The following TAB2 variants were observed in gnomAD, a reference collection of about 807,000 sequenced individuals.
TAB2 encodes the protein TGF-beta-activated kinase 1 and MAP3K7-binding protein 2.
Under a neutral mutation model 65.0 loss-of-function variants are expected in TAB2, and 3 were observed. The observed-to-expected ratio is 0.05, with a 90% confidence interval of 0.02 to 0.12. TAB2 has a LOEUF of 0.12. Ranked by LOEUF, TAB2 falls within the 10% of genes least tolerant of loss-of-function variation. The pLI, the probability that TAB2 is intolerant of heterozygous loss-of-function variation, is 1.00. For missense variants in TAB2, 623 were observed against 840.3 expected (o/e 0.74, Z 3.20); for synonymous variants, 298 against 285.1 (o/e 1.05, Z -0.46).
intron 1 of TAB2, among the ~76,000 whole-genome samples, chr6:149,348,857 G>T (rs548083): frequency 1.3e-5 from 2 of 151,484 alleles, no homozygotes; most frequent in Non-Finnish European, 2.9e-5. Flanking sequence ...TCCCAGCTTA[G>T]TCAGGAGGCT....
At chr6:149,324,966 T>C (rs942066418) in intron 1 of TAB2, among the ~76,000 whole-genome samples, 1 of 152,056 alleles carries the variant, frequency 6.6e-6, no homozygotes, top group Admixed American at 6.6e-5. Flanking sequence ...CCAGCTGATT[T>C]CTAAAAATTT....
intron 1 of TAB2, among the ~76,000 whole-genome samples, chr6:149,276,629 A>G (rs1233463640): frequency 1.3e-5 from 2 of 152,220 alleles, no homozygotes; most frequent in Non-Finnish European, 2.9e-5. Context: ...TATAAAGTGG[A>G]ATAGTATTTT....
At chr6:149,309,712 T>A (rs201285249) in intron 1 of TAB2, among the ~76,000 whole-genome samples, 3 of 150,160 alleles carry the variant, frequency 2.0e-5, no homozygotes, top group Non-Finnish European at 3.0e-5. Flanking sequence ...TATTCCTCTT[T>A]AAAAAAAAAA....
intron 1 of TAB2, among the ~76,000 whole-genome samples, chr6:149,260,021 GC>G (rs1301717250): frequency 6.6e-6 from 1 of 152,134 alleles, no homozygotes; most frequent in Non-Finnish European, 1.5e-5. Context: ...CTCATTATCT[GC>G]CCTCTTTCTC....
At chr6:149,377,068 TTA>T (rs756476431) in intron 2 of TAB2, among the ~76,000 whole-genome samples, 1 of 82,556 alleles carries the variant, frequency 1.2e-5, no homozygotes, top group African/African-American at 4.5e-5. Context: ...CAAATGTAAC[TTA>T]TTTTTTTTTT....
chr6:149,348,906 G>T (rs1780393497), intron 1 of TAB2, among the ~76,000 whole-genome samples: 1 of 151,936 alleles, frequency 6.6e-6, no homozygotes, highest in African/African-American at 2.4e-5. Flanking sequence ...GGCGGAGGTT[G>T]CAGTGAGCCG....
intron 1 of TAB2, among the ~76,000 whole-genome samples, chr6:149,356,457 T>G (rs986564520): frequency 5.9e-5 from 9 of 152,238 alleles, no homozygotes; most frequent in Admixed American, 4.6e-4. Context: ...AGTTTATTTC[T>G]TGTAGTTCTG....
chr6:149,408,453 ATTAT>A (rs1412778498), intron 6 of TAB2, among the ~76,000 whole-genome samples: 3 of 152,218 alleles, frequency 2.0e-5, no homozygotes, highest in African/African-American at 7.2e-5. Flanking sequence ...ATATCACTTA[ATTAT>A]TTAAAATTTG....
At chr6:149,266,969 G>C (rs939148325) in intron 1 of TAB2, among the ~76,000 whole-genome samples, 1 of 152,300 alleles carries the variant, frequency 6.6e-6, no homozygotes. Flanking sequence ...CCCTAGGGCT[G>C]GGGGAGCAAA....
At chr6:149,298,870 G>C (rs1778923384) in intron 1 of TAB2, among the ~76,000 whole-genome samples, 4 of 152,196 alleles carry the variant, frequency 2.6e-5, no homozygotes, top group African/African-American at 9.7e-5. Context: ...GACAGAACCT[G>C]TTTGAAAATT....
chr6:149,236,344 C>T (rs545504843), intron 1 of TAB2, among the ~76,000 whole-genome samples: 14 of 152,318 alleles, frequency 9.2e-5, no homozygotes, highest in Non-Finnish European at 1.3e-4. Flanking sequence ...TTGGCTGAAG[C>T]TTCTATATCT....
At chr6:149,399,539 C>CG (rs1265910972) in intron 6 of TAB2, among the ~76,000 whole-genome samples, 1 of 151,760 alleles carries the variant, frequency 6.6e-6, no homozygotes, top group Non-Finnish European at 1.5e-5. Context: ...TTCCCCCCCC[C>CG]CATGAGTATT....
chr6:149,404,243 T>G (rs1221536112), intron 6 of TAB2, among the ~76,000 whole-genome samples: 3 of 152,240 alleles, frequency 2.0e-5, no homozygotes, highest in Admixed American at 2.0e-4. Flanking sequence ...GAAGAGTGCT[T>G]AGGAATACGC....
intron 1 of TAB2, among the ~76,000 whole-genome samples, chr6:149,301,093 G>A (rs533012457): frequency 1.0e-3 from 157 of 152,360 alleles, no homozygotes; most frequent in African/African-American, 3.7e-3. Context: ...AACAGGCAGA[G>A]GTCCACATTG....
chr6:149,318,642 C>T (rs916995257), intron 1 of TAB2: 2 of 152,394 alleles, frequency 1.3e-5, no homozygotes, highest in South Asian at 2.1e-4. Flanking sequence ...GTCCCATCAA[C>T]CTCAAACCCT....
chr6:149,335,151 C>A (rs1407014726), intron 1 of TAB2, among the ~76,000 whole-genome samples: 1 of 151,906 alleles, frequency 6.6e-6, no homozygotes, highest in Non-Finnish European at 1.5e-5. Flanking sequence ...GACCAATTCC[C>A]CATTTCCTAC....
rs572391721 is a variant in TAB2 at position 149,309,587 on chromosome 6, C to T, written c.-120-68431C>T. Reference sequence around the variant, plus strand: ...AATTTTTTTGTATTTTTAGTAGAGACGGGGTTTCACCGTGTTAGCCAGGAT... The same window carrying T: ...AATTTTTTTGTATTTTTAGTAGAGATGGGGTTTCACCGTGTTAGCCAGGAT... On this transcript the variant is annotated intron_variant, in intron 1 of 1. Transcript: ENST00000606202. Among the ~76,000 whole-genome samples the T allele has an allele frequency of 4.9e-4, 74 of 151,854 alleles. 1 individual carries two copies. The highest frequency in any genetic ancestry group is 1.8e-3 in the African/African-American group (74 of 41,414).
At position 149,284,515 on chromosome 6, in the gene TAB2, C is replaced by T. The variant is rs142755889; in HGVS notation, c.-121+65739C>T. On this transcript the variant is annotated intron_variant, in intron 1 of 1. Transcript: ENST00000606202. ...CAGTGCCTATCACGAGCACATATTA[C>T]GTGCTCAACAAGAGCTTTTTTAGTT... is the stretch of plus-strand genomic sequence containing the variant. Among the ~76,000 whole-genome samples the T allele has an allele frequency of 8.3e-4, 126 of 152,230 alleles. 2 individuals carry two copies. In the South Asian group the frequency reaches 0.012, roughly 14 times the overall value.
At chr6:149,360,526 C>T (rs1392626608) in intron 1 of TAB2, among the ~76,000 whole-genome samples, 1 of 152,206 alleles carries the variant, frequency 6.6e-6, no homozygotes, top group East Asian at 1.9e-4. Flanking sequence ...GAAATCCACC[C>T]TCATGGTCCA....
Sources: gnomAD v4.1 joint callset for allele counts (sites outside exome capture counted in the v4.1 genomes callset) on GRCh38, gnomAD v4.1.1 for gene constraint, MANE v1.5 for transcripts, NCBI Gene and HGNC (gene_info 2026-07-23, HGNC 2026-07-21) for gene names.